Variants in SLC25A26 observed in about 807,000 individuals in gnomAD.
The protein encoded by SLC25A26 is mitochondrial S-adenosylmethionine carrier protein.
A neutral mutation model predicts 37.8 loss-of-function variants in SLC25A26; 36 were observed. The ratio of observed to expected loss-of-function variants is 0.95; its 90% confidence interval spans 0.73 to 1.26. SLC25A26 has a LOEUF of 1.26. SLC25A26 is among the 50% of genes most tolerant of loss of function. The pLI, the probability that SLC25A26 is intolerant of heterozygous loss-of-function variation, is 0.00. For synonymous variants in SLC25A26, 129 were observed against 122.5 expected (o/e 1.05, Z -0.35); for missense variants, 390 against 331.1 (o/e 1.18, Z -1.38).
chr3:66,334,383 C>T (rs1221950709), intron 5 of SLC25A26, among the ~76,000 whole-genome samples: 3 of 152,114 alleles, frequency 2.0e-5, no homozygotes, highest in Non-Finnish European at 2.9e-5. Flanking sequence ...GGCATGATCT[C>T]GGCTCAGTGC....
At chr3:66,300,174 C>G (rs2075030434) in intron 5 of SLC25A26, among the ~76,000 whole-genome samples, 1 of 151,780 alleles carries the variant, frequency 6.6e-6, no homozygotes, top group Admixed American at 6.6e-5. Flanking sequence ...GAGGTTTGAA[C>G]CAAGCTAATC....
At chr3:66,137,733 C>T (rs900320951) in intron 1 of SLC25A26, among the ~76,000 whole-genome samples, 21 of 152,158 alleles carry the variant, frequency 1.4e-4, no homozygotes, top group African/African-American at 3.6e-4. Context: ...CTTGTTATCC[C>T]CCAACTCCTA....
chr3:66,235,299 A>G lies in SLC25A26; in HGVS notation c.34-1245A>G, dbSNP rs148710546. On this transcript the variant is annotated intron_variant, in intron 1 of 9. Transcript: ENST00000354883. The stretch of plus-strand genomic sequence containing the variant: ...AATATTCTACATATTTGTCACTATA[A>G]TCATGAGGTACAGAGTTAGTTCTTA... 5.7e-4 allele frequency among the ~76,000 whole-genome samples: 87 copies of G among 152,314 alleles called. 2 individuals carry two copies. The highest frequency in any genetic ancestry group is 1.9e-3 in the African/African-American group (77 of 41,572).
At chr3:66,184,622 C>CTTGAGTTTA (rs2070790011) in intron 1 of SLC25A26, among the ~76,000 whole-genome samples, 8 of 152,242 alleles carry the variant, frequency 5.3e-5, no homozygotes, top group South Asian at 4.1e-4. Flanking sequence ...ACATGCTCAA[C>CTTGAGTTTA]CAAATCCTCA....
At chr3:66,355,986 A>G (rs75462746) in intron 6 of SLC25A26, 26,595 of 455,398 alleles carry the variant, frequency 0.058, 978 homozygotes, top group South Asian at 0.075. Context: ...TACTTATTTT[A>G]CTACATGTAT....
At chr3:66,223,104 G>A (rs151159423) in intron 1 of SLC25A26, among the ~76,000 whole-genome samples, 125,532 of 152,146 alleles carry the variant, frequency 0.83, 52,617 homozygotes, top group Middle Eastern at 0.92. Context: ...GGGAAGAAAG[G>A]CCAGCAGATA....
intron 1 of SLC25A26, among the ~76,000 whole-genome samples, chr3:66,159,096 A>G (rs535354176): frequency 2.7e-3 from 416 of 152,312 alleles, no homozygotes; most frequent in Non-Finnish European, 4.4e-3. Context: ...AGAAGAGGCC[A>G]TGATGCAAGA....
intron 6 of SLC25A26, among the ~76,000 whole-genome samples, chr3:66,346,988 G>C (rs1262497457): frequency 6.6e-6 from 1 of 151,902 alleles, no homozygotes; most frequent in Non-Finnish European, 1.5e-5. Flanking sequence ...TGAGTTGTCA[G>C]ACAACCTTGG....
At chr3:66,348,553 T>TA (rs2076379633) in intron 6 of SLC25A26, among the ~76,000 whole-genome samples, 1 of 152,228 alleles carries the variant, frequency 6.6e-6, no homozygotes, top group Non-Finnish European at 1.5e-5. Context: ...TTTTATAGAT[T>TA]GACTAGTCAT....
chr3:66,141,798 G>T (rs775556500), intron 1 of SLC25A26, among the ~76,000 whole-genome samples: 2 of 152,200 alleles, frequency 1.3e-5, no homozygotes, highest in Admixed American at 6.5e-5. Context: ...ACAGGCGTGG[G>T]CCACTGCGCC....
chr3:66,162,759 A>G (rs1244731506), intron 1 of SLC25A26, among the ~76,000 whole-genome samples: 2 of 152,238 alleles, frequency 1.3e-5, no homozygotes, highest in Non-Finnish European at 2.9e-5. Flanking sequence ...GGCTGTCATC[A>G]CTCATACAGG....
chr3:66,272,767 A>G (rs1038903852), intron 5 of SLC25A26, among the ~76,000 whole-genome samples: 3 of 152,036 alleles, frequency 2.0e-5, no homozygotes, highest in Non-Finnish European at 4.4e-5. Context: ...CTCTCTTCCT[A>G]TTTGAATACC....
At chr3:66,297,463 C>T (rs891864850) in intron 5 of SLC25A26, among the ~76,000 whole-genome samples, 1 of 151,636 alleles carries the variant, frequency 6.6e-6, no homozygotes, top group African/African-American at 2.4e-5. Context: ...TGTGGCTGTT[C>T]TTTATCAAAA....
intron 5 of SLC25A26, among the ~76,000 whole-genome samples, chr3:66,308,654 A>G (rs1193957383): frequency 2.6e-5 from 4 of 151,030 alleles, no homozygotes; most frequent in Admixed American, 2.6e-4. Flanking sequence ...TAACTATTCC[A>G]TAACTATTCA....
At chr3:66,136,747 C>A (rs1364684232) in intron 1 of SLC25A26, among the ~76,000 whole-genome samples, 1 of 152,176 alleles carries the variant, frequency 6.6e-6, no homozygotes, top group Non-Finnish European at 1.5e-5. Flanking sequence ...GTTTTCAAAG[C>A]CTCCATGTCA....
At chr3:66,323,163 G>T (rs1045674481) in intron 5 of SLC25A26, among the ~76,000 whole-genome samples, 13 of 152,136 alleles carry the variant, frequency 8.5e-5, no homozygotes, top group African/African-American at 3.1e-4. Flanking sequence ...TGTAAATGCG[G>T]TCTTTCCCTC....
chr3:66,197,509 G>A (rs1257816947), intron 1 of SLC25A26, among the ~76,000 whole-genome samples: 3 of 152,202 alleles, frequency 2.0e-5, no homozygotes, highest in Middle Eastern at 3.4e-3. Context: ...GATCAGGGAT[G>A]GGGTCAGGGT....
chr3:66,298,786 A>G (rs2074984130), intron 5 of SLC25A26, among the ~76,000 whole-genome samples: 1 of 152,212 alleles, frequency 6.6e-6, no homozygotes, highest in Non-Finnish European at 1.5e-5. Flanking sequence ...TGTACATGTC[A>G]AGAAAGCATT....
intron 1 of SLC25A26, among the ~76,000 whole-genome samples, chr3:66,203,263 TC>T (rs1487034061): frequency 6.6e-6 from 1 of 151,920 alleles, no homozygotes; most frequent in Admixed American, 6.6e-5. Context: ...TGTCTGTAGT[TC>T]CAGCTACTTG....
Sources: allele counts gnomAD v4.1 joint callset (sites outside exome capture counted in the v4.1 genomes callset), GRCh38; gene constraint gnomAD v4.1.1; transcripts MANE v1.5; gene names NCBI Gene and HGNC (gene_info 2026-07-23, HGNC 2026-07-21).